The following TINAG variants were observed in gnomAD, a reference collection of about 807,000 sequenced individuals.
TINAG encodes tubulointerstitial nephritis antigen.
TINAG carries 83 observed loss-of-function variants against 72.7 expected under a neutral mutation model. The ratio of observed to expected loss-of-function variants is 1.14; its 90% CI spans 0.96 to 1.37. The LOEUF is 1.37. Ranked by LOEUF, TINAG falls within the 40% of genes most tolerant of loss-of-function variation. The pLI, the probability that TINAG is intolerant of heterozygous loss-of-function variation, is 0.00. For missense variants in TINAG, 685 were observed against 576.6 expected, an observed-to-expected ratio of 1.19 and a Z score of -1.93; for synonymous variants, 234 against 189.9, an observed-to-expected ratio of 1.23 and a Z score of -1.91.
Position 54,343,353 on chromosome 6 carries a change from A to G in TINAG, c.748+4A>G, listed in dbSNP as rs1785046023. On this transcript the variant is annotated splice_donor_region_variant and intron_variant, in intron 5 of 10. Coordinates refer to ENST00000259782, the MANE Select transcript of TINAG (RefSeq NM_014464.4). ...TCCTGGGCATTTTCCACTGCAAGTA[A>G]TAAAGTCATTTTAATTCCTTCCTTA... 4 of 1,521,428 alleles carry G rather than the reference A, an allele frequency of 2.6e-6. No homozygotes were observed. The Admixed American group carries it at 5.8e-5, about 22-fold the overall frequency. 94.2% of individuals were successfully genotyped at this position (1,521,428 alleles called of 1,614,324 possible).
chr6:54,375,213 A>C (rs1763744295), intron 9 of TINAG, among the ~76,000 whole-genome samples: 2 of 152,206 alleles, frequency 1.3e-5, no homozygotes, highest in South Asian at 4.1e-4. Context: ...GGAAATAATT[A>C]TTCTCATCAC....
chr6:54,325,461 C>T (rs953590200), intron 3 of TINAG, among the ~76,000 whole-genome samples: 21 of 152,110 alleles, frequency 1.4e-4, no homozygotes, highest in Non-Finnish European at 4.4e-5. Flanking sequence ...GAGCATATCT[C>T]ACAGTAGAAC....
intron 4 of TINAG, 156 bp downstream of exon 4, chr6:54,327,072 T>C (rs1784621651): frequency 6.5e-7 from 1 of 1,547,520 alleles, no homozygotes; most frequent in Admixed American, 2.0e-5. Context: ...AAATGGTTGT[T>C]AAACCCCTCA....
chr6:54,344,854 C>T (rs1785083366), intron 5 of TINAG, among the ~76,000 whole-genome samples: 1 of 151,884 alleles, frequency 6.6e-6, no homozygotes, highest in African/African-American at 2.4e-5. Flanking sequence ...TAGGGCAATT[C>T]TTTTTTGTGT....
At chr6:54,369,138 A>G (rs533399013) in intron 9 of TINAG, among the ~76,000 whole-genome samples, 1 of 152,054 alleles carries the variant, frequency 6.6e-6, no homozygotes, top group South Asian at 2.1e-4. Context: ...AGAAAATTTG[A>G]AACATGAGCT....
chr6:54,345,340 C>G (rs938491757), intron 5 of TINAG, among the ~76,000 whole-genome samples: 1 of 152,010 alleles, frequency 6.6e-6, no homozygotes, highest in South Asian at 2.1e-4. Context: ...AACATTTATC[C>G]TTCAGTTGAA....
At chr6:54,333,742 G>A (rs1318927592) in intron 4 of TINAG, among the ~76,000 whole-genome samples, 5 of 152,134 alleles carry the variant, frequency 3.3e-5, no homozygotes, top group Non-Finnish European at 7.4e-5. Context: ...CAGTGTGCCA[G>A]TACTTCAGCA....
intron 4 of TINAG, among the ~76,000 whole-genome samples, chr6:54,327,822 C>G (rs1784643914): frequency 6.6e-6 from 1 of 152,052 alleles, no homozygotes; most frequent in African/African-American, 2.4e-5. Flanking sequence ...CCCTTATAAA[C>G]TGCCACCCCT....
rs184202811 is a variant in TINAG, at chr6:54,386,103, C to G, written c.1297-3688C>G. ...GACGGGTTTCGCCATGTCGCCCAGG[C>G]TGGTCTCAAACTCCTGACTTCAGGT... On this transcript the variant is annotated intron_variant, in intron 10 of 10. Transcript: ENST00000259782. 4.1e-3 allele frequency among the ~76,000 whole-genome samples: 618 copies of G among 152,058 alleles called. 2 individuals are homozygous for G. Among genetic ancestry groups the G allele is most frequent in the Middle Eastern group, 0.017 (5 of 294 alleles).
intron 10 of TINAG, among the ~76,000 whole-genome samples, chr6:54,383,448 A>G (rs1288822623): frequency 6.6e-6 from 1 of 152,128 alleles, no homozygotes; most frequent in Non-Finnish European, 1.5e-5. Flanking sequence ...ATTCTACTAA[A>G]TAAGTAGAAA....
At chr6:54,350,134 T>A (rs1018968216) in intron 7 of TINAG, among the ~76,000 whole-genome samples, 1 of 152,016 alleles carries the variant, frequency 6.6e-6, no homozygotes, top group African/African-American at 2.4e-5. Flanking sequence ...GGAAATAGGG[T>A]TTTAAAATTA....
At position 54,350,420 on chromosome 6, in the gene TINAG, T is replaced by A. The variant is rs146072102; in HGVS notation, c.1080+524T>A. On this transcript the variant is annotated intron_variant, in intron 7 of 10. Coordinates refer to ENST00000259782, the MANE Select transcript of TINAG (RefSeq NM_014464.4). ...GTGAACCTCCAGTGTCTTCTAATTA[T>A]CTCCAGAATACAATTCGGTGTTCTA... 4.4e-3 allele frequency among the ~76,000 whole-genome samples: 676 copies of A among 152,012 alleles called. 8 individuals are homozygous for A. Among genetic ancestry groups the A allele is most frequent in the African/African-American group, 0.016 (659 of 41,498 alleles).
chr6:54,336,969 C>T (rs1784879311), intron 4 of TINAG, among the ~76,000 whole-genome samples: 1 of 151,652 alleles, frequency 6.6e-6, no homozygotes, highest in Non-Finnish European at 1.5e-5. Context: ...AAATGTTATA[C>T]TTTCTATAGT....
chr6:54,341,973 A>G, intron 4 of TINAG, among the ~76,000 whole-genome samples: 1 of 152,184 alleles, frequency 6.6e-6, no homozygotes, highest in East Asian at 1.9e-4. Context: ...AGTATATCAC[A>G]TAGGAATATT....
intron 10 of TINAG, among the ~76,000 whole-genome samples, chr6:54,386,004 A>G (rs1764089316): frequency 7.0e-6 from 1 of 142,652 alleles, no homozygotes; most frequent in African/African-American, 2.7e-5. Flanking sequence ...AGTTCTCCCT[A>G]CCTCAGTCTC....
chr6:54,364,291 T>C (rs544911564), intron 9 of TINAG, among the ~76,000 whole-genome samples: 3 of 151,530 alleles, frequency 2.0e-5, no homozygotes, highest in Admixed American at 1.3e-4. Flanking sequence ...CATCCAAGAC[T>C]GATGATTTTC....
intron 6 of TINAG, 33 bp downstream of exon 6, chr6:54,347,550 T>G (rs1285313039): frequency 6.2e-7 from 1 of 1,606,936 alleles, no homozygotes; most frequent in East Asian, 2.2e-5. Context: ...TTTCTAGGAT[T>G]TTTATGAATG....
At chr6:54,308,099 G>A (rs943905473), upstream of TINAG, 3 of 1,549,762 alleles carry the variant, frequency 1.9e-6, no homozygotes, top group East Asian at 7.3e-5. Context: ...AATGCAGGCA[G>A]GTGAAACGAA....
Position 54,349,887 on chromosome 6 carries a change from C to T in TINAG, c.1071C>T (p.Val357=). The T allele has an allele frequency of 1.3e-6, 2 of 1,570,242 alleles. No homozygotes were observed. Among genetic ancestry groups the T allele is most frequent in the South Asian group, 1.2e-5 (1 of 83,544 alleles). ...ATCAATGTTCTCCTCCATACAGAGT[C>T]TCTTCCAACGTAAGTATAAATGGCA... ...RIYQCSPPYR[V]SSNETEIMKE... is the part of the protein sequence containing the mutation. Residue 357 remains valine (V), a synonymous_variant, in exon 7 of 11, where the codon GTC becomes GTT. Coordinates refer to ENST00000259782, the MANE Select transcript of TINAG (RefSeq NM_014464.4).
Sources: allele counts gnomAD v4.1 joint callset (sites outside exome capture counted in the v4.1 genomes callset), GRCh38; gene constraint gnomAD v4.1.1; transcripts MANE v1.5; gene names NCBI Gene and HGNC (gene_info 2026-07-23, HGNC 2026-07-21).